Variants in TENM2 observed in about 807,000 individuals in gnomAD.
The protein encoded by TENM2 is teneurin-2.
In TENM2, 52 loss-of-function variants were observed where a neutral mutation model predicts 245.2. That is an observed-to-expected ratio of 0.21 (90% CI 0.17 to 0.27). The LOEUF (loss-of-function observed/expected upper bound fraction) is 0.27, where lower values mean the gene tolerates loss of function less well. Ranked by LOEUF, TENM2 falls within the 10% of genes least tolerant of loss-of-function variation. TENM2 has a pLI of 1.00. For synonymous variants in TENM2, 1,363 were observed against 1,438.9 expected, an observed-to-expected ratio of 0.95 and a Z score of 1.19; for missense variants, 3,046 against 3,666.8, an observed-to-expected ratio of 0.83 and a Z score of 4.37.
chr5:167,198,497 A>G, the TENM2 span, among the ~76,000 whole-genome samples: 13 of 152,240 alleles, frequency 8.5e-5, no homozygotes, highest in East Asian at 5.8e-4. Context: ...GGTAGCCACA[A>G]AATGATCTGG....
chr5:167,101,420 A>T, the TENM2 span, among the ~76,000 whole-genome samples: 771 of 152,262 alleles, frequency 5.1e-3, 8 homozygotes, highest in African/African-American at 0.017. Flanking sequence ...GATGGTGCAC[A>T]ATAACACTTG....
chr5:167,455,106 T>G (rs1765832953), intron 2 of TENM2, among the ~76,000 whole-genome samples: 1 of 152,218 alleles, frequency 6.6e-6, no homozygotes, highest in South Asian at 2.1e-4. Context: ...ATGTTCAAAT[T>G]TATCTGTTCT....
At chr5:168,257,877 G>A (rs916713637) in intron 27 of TENM2, among the ~76,000 whole-genome samples, 2 of 152,158 alleles carry the variant, frequency 1.3e-5, no homozygotes, top group African/African-American at 2.4e-5. Context: ...GCCTCCCAAA[G>A]TGTTGGAATT....
chr5:167,671,483 C>T (rs2150351613), intron 2 of TENM2, among the ~76,000 whole-genome samples: 1 of 152,106 alleles, frequency 6.6e-6, no homozygotes, highest in South Asian at 2.1e-4. Context: ...CAAGACTCAT[C>T]GACAGCTTGA....
chr5:168,244,323 A>C lies in TENM2; in HGVS notation c.5521-97A>C. The C allele has an allele frequency of 1.0e-6, 1 of 957,892 alleles. No individual in the cohort carries two copies. The highest frequency in any genetic ancestry group is 1.5e-6 in the Non-Finnish European group (1 of 687,124). 59.3% of individuals were successfully genotyped at this position (957,892 alleles called of 1,614,324 possible). A position where few individuals can be genotyped will look rare whatever the true frequency, so the allele number is the denominator to read the frequency against. Reference sequence around the variant, plus strand: ...GGGGTTATTTCTTCCTCCAGTGAACACTTAAGCCCTGGCCATGCCAGCCAT... The same window carrying C: ...GGGGTTATTTCTTCCTCCAGTGAACCCTTAAGCCCTGGCCATGCCAGCCAT... On this transcript the variant is annotated intron_variant, in intron 25 of 28. Transcript: ENST00000518659. This position sits in a 1 kb window ranked among gnomAD's most constrained non-coding sequence, Gnocchi z 4.9.
exon 29 of TENM2, chr5:168,262,946 C>G: frequency 1.3e-6 from 1 of 798,732 alleles, no homozygotes; most frequent in Non-Finnish European, 1.9e-6. Context: ...AGAAAGCTCA[C>G]ATTTTTTGAG....
chr5:167,771,134 ACT>A (rs144373096), intron 2 of TENM2, among the ~76,000 whole-genome samples: 25 of 148,558 alleles, frequency 1.7e-4, no homozygotes, highest in Non-Finnish European at 2.4e-4. Context: ...TCAATCGGTC[ACT>A]CTCTCTCTCT....
chr5:167,700,959 A>AAC (rs1183442403), intron 2 of TENM2, among the ~76,000 whole-genome samples: 6 of 151,280 alleles, frequency 4.0e-5, no homozygotes, highest in Admixed American at 3.9e-4. Context: ...TAAAAAAAAA[A>AAC]AAAAAAAAAA....
chr5:167,574,287 T>C (rs1211861178), intron 2 of TENM2, among the ~76,000 whole-genome samples: 1 of 152,212 alleles, frequency 6.6e-6, no homozygotes, highest in East Asian at 1.9e-4. Flanking sequence ...AAAGATGATT[T>C]TGATCAGAAT....
chr5:168,229,971 A>G (rs1313410718), intron 25 of TENM2: 7 of 152,266 alleles, frequency 4.6e-5, no homozygotes, highest in Non-Finnish European at 7.3e-5. Flanking sequence ...TATAAGTAGT[A>G]ATCGTGCCTT....
intron 2 of TENM2, among the ~76,000 whole-genome samples, chr5:167,414,030 A>G (rs1763041841): frequency 6.6e-6 from 1 of 152,170 alleles, no homozygotes; most frequent in Non-Finnish European, 1.5e-5. Flanking sequence ...CTAGGCAAAC[A>G]TGGTTTGAAT....
intron 2 of TENM2, among the ~76,000 whole-genome samples, chr5:167,585,092 A>AGT (rs1775391607): frequency 1.3e-5 from 2 of 152,086 alleles, no homozygotes; most frequent in African/African-American, 4.8e-5. Context: ...CAAATCATTA[A>AGT]CCTCTGTGTT....
At chr5:167,759,371 T>G (rs1368615641) in intron 2 of TENM2, among the ~76,000 whole-genome samples, 2 of 152,122 alleles carry the variant, frequency 1.3e-5, no homozygotes, top group Non-Finnish European at 2.9e-5. Flanking sequence ...TTAGCTTTTA[T>G]GAGTGTTGGC....
At chr5:167,573,049 T>C (rs548614081) in intron 2 of TENM2, among the ~76,000 whole-genome samples, 1 of 148,638 alleles carries the variant, frequency 6.7e-6, no homozygotes, top group East Asian at 2.0e-4. Context: ...GGTTTTGTAG[T>C]GCTAATATTT....
At chr5:168,036,693 ATATATATGTATG>A (rs1787722801) in intron 5 of TENM2, among the ~76,000 whole-genome samples, 1 of 115,564 alleles carries the variant, frequency 8.7e-6, no homozygotes, top group African/African-American at 4.4e-5. Flanking sequence ...ATATATATAT[ATATATATGTATG>A]TGTATATATA....
chr5:167,458,088 G>T (rs956683222), intron 2 of TENM2, among the ~76,000 whole-genome samples: 1 of 152,048 alleles, frequency 6.6e-6, no homozygotes, highest in African/African-American at 2.4e-5. Context: ...TTTTGGAATG[G>T]TTCTTTACAT....
chr5:168,146,259 A>G (rs1290262453), intron 12 of TENM2, among the ~76,000 whole-genome samples: 3 of 152,134 alleles, frequency 2.0e-5, no homozygotes, highest in Non-Finnish European at 4.4e-5. Context: ...ATAAACAGCT[A>G]TGTAGCATAT....
At chr5:167,268,897 GAT>G in the TENM2 span, among the ~76,000 whole-genome samples, 1 of 150,456 alleles carries the variant, frequency 6.6e-6, no homozygotes, top group Non-Finnish European at 1.5e-5. Context: ...TAGATAGATA[GAT>G]AGATAGATAG....
chr5:167,658,810 A>G (rs757119939), intron 2 of TENM2, among the ~76,000 whole-genome samples: 1 of 152,308 alleles, frequency 6.6e-6, no homozygotes, highest in Middle Eastern at 3.4e-3. Context: ...GTTCCAGGAG[A>G]CTGTAAGAAA....
Sources: gnomAD v4.1 joint callset for allele counts (sites outside exome capture counted in the v4.1 genomes callset) on GRCh38, gnomAD v4.1.1 for gene constraint, Gnocchi (gnomAD v3.1) non-coding constraint, MANE v1.5 for transcripts, NCBI Gene and HGNC (gene_info 2026-07-23, HGNC 2026-07-21) for gene names.